CASQ2: variants seen among roughly 807,000 people sequenced by gnomAD.
CASQ2 encodes calsequestrin 2, also known as calsequestrin-2.
A neutral mutation model predicts 46.5 loss-of-function variants in CASQ2; 49 were observed. The ratio of observed to expected loss-of-function variants is 1.05; its 90% confidence interval spans 0.84 to 1.34. The LOEUF is 1.34. Among genes scored for constraint, CASQ2 ranks in the 40% most tolerant of loss-of-function variants. CASQ2 has a pLI of 0.00. For synonymous variants in CASQ2, 174 were observed against 168.5 expected, an observed-to-expected ratio of 1.03 and a Z score of -0.25; for missense variants, 486 against 481.3, an observed-to-expected ratio of 1.01 and a Z score of -0.09.
intron 7 of CASQ2, among the ~76,000 whole-genome samples, chr1:115,718,295 C>T (rs1448929625): frequency 6.6e-6 from 1 of 152,134 alleles, no homozygotes; most frequent in Non-Finnish European, 1.5e-5. Flanking sequence ...GGAGGCAGCT[C>T]AGTAAAAGCA....
intron 3 of CASQ2, among the ~76,000 whole-genome samples, chr1:115,738,766 A>G (rs544840281): frequency 7.2e-5 from 11 of 152,282 alleles, no homozygotes; most frequent in Middle Eastern, 6.8e-3. Flanking sequence ...TGAAATATGT[A>G]ATACATATTA....
At chr1:115,755,292 G>C (rs896954806) in intron 1 of CASQ2, among the ~76,000 whole-genome samples, 6 of 152,198 alleles carry the variant, frequency 3.9e-5, no homozygotes, top group Admixed American at 3.3e-4. Flanking sequence ...CCCAGAGCCT[G>C]TGAAAATGCA....
intron 4 of CASQ2, among the ~76,000 whole-genome samples, chr1:115,733,700 G>C (rs1408044394): frequency 6.6e-6 from 1 of 152,124 alleles, no homozygotes; most frequent in East Asian, 1.9e-4. Context: ...TTAGTTGTGA[G>C]GGTGATGGTA....
At chr1:115,744,739 T>C in intron 2 of CASQ2, 89 bp downstream of exon 2, 6 of 837,008 alleles carry the variant, frequency 7.2e-6, no homozygotes, top group Non-Finnish European at 1.2e-5. Flanking sequence ...GATAGTCCGC[T>C]TATGCAAGAA....
rs574512939 is a variant in CASQ2, at chr1:115,756,768, G to A, written c.234+11540C>T. On this transcript the variant is annotated intron_variant, in intron 1 of 10. Coordinates refer to ENST00000261448, the MANE Select transcript of CASQ2 (RefSeq NM_001232.4). ...TCAAGACCAGCCCAGCCAACATGAC[G>A]AAACCCCGTATCTACTAAAAATACA... 6.6e-5 allele frequency among the ~76,000 whole-genome samples: 10 copies of A among 152,168 alleles called. No individual in the cohort carries two copies. In the South Asian group the frequency reaches 1.5e-3, roughly 22 times the overall value.
intron 1 of CASQ2, among the ~76,000 whole-genome samples, chr1:115,757,325 T>C (rs968251307): frequency 1.3e-5 from 2 of 152,176 alleles, no homozygotes; most frequent in African/African-American, 4.8e-5. Context: ...AACTGCGATT[T>C]AAAAGTGAGC....
intron 1 of CASQ2, among the ~76,000 whole-genome samples, chr1:115,767,032 G>A (rs1472214023): frequency 1.3e-5 from 2 of 152,184 alleles, no homozygotes; most frequent in East Asian, 3.8e-4. Context: ...TAACTGGACA[G>A]CGATGAGCAT....
At chr1:115,754,144 C>A (rs538505086) in intron 1 of CASQ2, among the ~76,000 whole-genome samples, 1 of 152,208 alleles carries the variant, frequency 6.6e-6, no homozygotes, top group South Asian at 2.1e-4. Flanking sequence ...CACTTTCTGC[C>A]GCCCTCAAAG....
intron 1 of CASQ2, among the ~76,000 whole-genome samples, chr1:115,767,084 A>G (rs1012878028): frequency 6.6e-6 from 1 of 152,222 alleles, no homozygotes; most frequent in Non-Finnish European, 1.5e-5. Context: ...TTTTCATAAC[A>G]ATGTCTCTTG....
rs1156576997 is a variant in CASQ2, at chr1:115,701,132, G to A, written c.*109C>T. On this transcript the variant is annotated 3_prime_UTR_variant, in exon 11 of 11. Coordinates refer to ENST00000261448, the MANE Select transcript of CASQ2 (RefSeq NM_001232.4). ...AGTGGGAAAAGAGATGATGGAAAAG[G>A]GAAAGGAGCTGGCTGGGTGTGGGGC... 2.6e-6 allele frequency: 4 copies of A among 1,546,630 alleles called. No homozygotes were observed. Among genetic ancestry groups the A allele is most frequent in the Non-Finnish European group, 3.6e-6 (4 of 1,120,848 alleles).
At chr1:115,746,942 C>A (rs1000977086) in intron 1 of CASQ2, among the ~76,000 whole-genome samples, 7 of 152,084 alleles carry the variant, frequency 4.6e-5, no homozygotes, top group Admixed American at 1.3e-4. Context: ...ATATCCTAAT[C>A]ATTTCATCTT....
intron 2 of CASQ2, among the ~76,000 whole-genome samples, chr1:115,742,131 C>T (rs1648203251): frequency 6.6e-6 from 1 of 151,984 alleles, no homozygotes; most frequent in African/African-American, 2.4e-5. Context: ...CCTGCCTCAG[C>T]CTCCTGAATA....
chr1:115,756,101 A>G (rs1259117139), intron 1 of CASQ2, among the ~76,000 whole-genome samples: 2 of 152,232 alleles, frequency 1.3e-5, no homozygotes, highest in Non-Finnish European at 2.9e-5. Flanking sequence ...GCAGGTGAGC[A>G]TGTGAGGGAG....
rs376430855 is a variant in CASQ2, at chr1:115,741,523, C to T, written c.320-695G>A. 4.0e-4 allele frequency among the ~76,000 whole-genome samples: 61 copies of T among 152,312 alleles called. 1 individual carries two copies. The East Asian group carries it at 9.7e-3, about 24-fold the overall frequency. On this transcript the variant is annotated intron_variant, in intron 2 of 10. Transcript: ENST00000261448. ...CAGGTCTTCACTATCAAAGTGAGTT[C>T]TCTGAGGGTAGGATCATTGTCTTCT... is the stretch of plus-strand genomic sequence containing the variant.
chr1:115,739,481 C>T (rs558932951), intron 3 of CASQ2, among the ~76,000 whole-genome samples: 22 of 152,268 alleles, frequency 1.4e-4, no homozygotes, highest in African/African-American at 5.3e-4. Context: ...ATAACTTCCC[C>T]TGCCAGTTAT....
intron 2 of CASQ2, among the ~76,000 whole-genome samples, 176 bp from the exon 3 acceptor site, chr1:115,741,004 A>T (rs7551613): frequency 6.6e-6 from 1 of 152,040 alleles, no homozygotes; most frequent in South Asian, 2.1e-4. Flanking sequence ...TCCTGAAGTG[A>T]ACATTTAATT....
In CASQ2 at chr1:115,700,689, A is replaced by C. The variant is rs1039829915; in HGVS notation, c.*552T>G. 1.1e-5 allele frequency: 3 copies of C among 276,352 alleles called. No individual in the cohort carries two copies. Among genetic ancestry groups the C allele is most frequent in the African/African-American group, 6.5e-5 (3 of 45,806 alleles). The allele number at this position is 276,352 out of a possible 1,614,324, so 17.1% of individuals were successfully genotyped here. On this transcript the variant is annotated 3_prime_UTR_variant, in exon 11 of 11. Coordinates refer to ENST00000261448, the MANE Select transcript of CASQ2 (RefSeq NM_001232.4). ...ACCATCACTTGAAATAAGTTTAACA[A>C]AGCCATGAGAATATGATTTATAAGT... is the stretch of plus-strand genomic sequence containing the variant.
chr1:115,736,466 G>C (rs925044288), intron 4 of CASQ2, among the ~76,000 whole-genome samples: 1 of 151,540 alleles, frequency 6.6e-6, no homozygotes, highest in Non-Finnish European at 1.5e-5. Flanking sequence ...GTGAAACCCC[G>C]TCTCTACTAA....
rs190255265 is a variant in CASQ2, at chr1:115,768,092, G to A, written c.234+216C>T. Among the ~76,000 whole-genome samples the A allele has an allele frequency of 4.6e-5, 7 of 152,274 alleles. No homozygotes were observed. In the East Asian group the frequency reaches 5.8e-4, roughly 13 times the overall value. On this transcript the variant is annotated intron_variant, in intron 1 of 10. Coordinates refer to ENST00000261448, the MANE Select transcript of CASQ2 (RefSeq NM_001232.4). ...CATCAGACCCATCGTAGTGTAGCACGTTTGGTCCTCTTCATTTGAAGAGTT... is the reference window on the plus strand; with the variant it reads ...CATCAGACCCATCGTAGTGTAGCACATTTGGTCCTCTTCATTTGAAGAGTT...
Sources: allele counts gnomAD v4.1 joint callset (sites outside exome capture counted in the v4.1 genomes callset), GRCh38; gene constraint gnomAD v4.1.1; transcripts MANE v1.5; gene names NCBI Gene and HGNC (gene_info 2026-07-23, HGNC 2026-07-21).